The following MTOR variants were observed in gnomAD, a reference collection of about 807,000 sequenced individuals.
The protein encoded by MTOR is serine/threonine-protein kinase mTOR.
MTOR carries 70 observed loss-of-function variants against 319.8 expected under a neutral mutation model. The observed-to-expected ratio is 0.22, with a 90% CI of 0.18 to 0.27. The LOEUF (loss-of-function observed/expected upper bound fraction) is 0.27, where lower values mean the gene tolerates loss of function less well. Ranked by LOEUF, MTOR falls within the 10% of genes least tolerant of loss-of-function variation. The probability of loss-of-function intolerance (pLI) is 1.00; values close to 1 mark genes in which losing one functional copy is unlikely to be tolerated. For synonymous variants in MTOR, 1,183 were observed against 1,211.4 expected (o/e 0.98, Z 0.49); for missense variants, 1,890 against 3,274.4 (o/e 0.58, Z 10.32).
intron 36 of MTOR, among the ~76,000 whole-genome samples, chr1:11,136,700 G>A (rs529802128): frequency 6.6e-6 from 1 of 151,690 alleles, no homozygotes; most frequent in East Asian, 1.9e-4. Context: ...ATGAGGTCTT[G>A]CTATGTTGCC....
At chr1:11,118,015 G>A (rs1642265855) in intron 49 of MTOR, among the ~76,000 whole-genome samples, 2 of 151,760 alleles carry the variant, frequency 1.3e-5, no homozygotes, top group African/African-American at 2.4e-5. Context: ...GGAGGCAGAG[G>A]TTGAAGTGAG....
In MTOR at chr1:11,213,420, T is replaced by C. The variant is rs767523477; in HGVS notation, c.3264A>G (p.Pro1088=). ...MLRVFMHDNS[P]GRIVSIKLLA... is the part of the protein sequence containing the mutation. ...TCACCTTGATAGAGACAATGCGGCC[T>C]GGGCTGTTGTCATGCATGAAGACAC... Residue 1088 remains proline (P), a synonymous_variant, in exon 21 of 58, where the codon CCA becomes CCG. Coordinates refer to ENST00000361445, the MANE Select transcript of MTOR (RefSeq NM_004958.4). 3 of 1,612,730 alleles carry C rather than the reference T, an allele frequency of 1.9e-6. No individual in the cohort carries two copies. Among genetic ancestry groups the C allele is most frequent in the South Asian group, 1.1e-5 (1 of 90,968 alleles).
At chr1:11,182,981 A>G (rs983920073) in intron 28 of MTOR, among the ~76,000 whole-genome samples, 3 of 152,220 alleles carry the variant, frequency 2.0e-5, no homozygotes, top group African/African-American at 7.2e-5. Flanking sequence ...GAAAATATCT[A>G]TAGCAGAATT....
At chr1:11,204,500 C>A in intron 26 of MTOR, 61 bp downstream of exon 26, 6 of 1,498,408 alleles carry the variant, frequency 4.0e-6, no homozygotes, top group South Asian at 2.8e-5. Flanking sequence ...CTAATAAAAA[C>A]TAATTTGTAT....
At chr1:11,213,845 C>G (rs1189339548) in intron 20 of MTOR, among the ~76,000 whole-genome samples, 1 of 152,238 alleles carries the variant, frequency 6.6e-6, no homozygotes, top group Non-Finnish European at 1.5e-5. Context: ...TCTTGCTCAG[C>G]TAAGCCCTGT....
Position 11,248,030 on chromosome 1 carries a change from T to A in MTOR, c.905A>T (p.Asp302Val), listed in dbSNP as rs761323069. The A allele has an allele frequency of 2.2e-5, 36 of 1,614,008 alleles. No homozygotes were observed. The highest frequency in any genetic ancestry group is 2.2e-4 in the Admixed American group (13 of 59,998). Residue 302 changes from aspartate to valine, a missense_variant, in exon 7 of 58, where the codon GAT (aspartate) becomes GTT (valine). Asp to Val is a radical substitution (Grantham distance 152). Transcript: ENST00000361445. ...QQLVHDKYCKDLMGFGTKPRH... is the reference protein window; with the variant it reads ...QQLVHDKYCKVLMGFGTKPRH... ...AGGTTTTGTTCCGAAGCCCATGAGA[T>A]CTTTGCAGTACTTGTCGTGTACCAG...
At chr1:11,111,298 G>A (rs1641855183) in intron 54 of MTOR, among the ~76,000 whole-genome samples, 1 of 151,978 alleles carries the variant, frequency 6.6e-6, no homozygotes, top group African/African-American at 2.4e-5. Flanking sequence ...GGCCAACGTG[G>A]TGAAACCCTA....
At chr1:11,110,776 C>A (rs1356677228) in intron 54 of MTOR, among the ~76,000 whole-genome samples, 1 of 152,148 alleles carries the variant, frequency 6.6e-6, no homozygotes, top group African/African-American at 2.4e-5. Context: ...AGGCTAGTCT[C>A]AAACTCCTGG....
chr1:11,192,404 T>A, intron 28 of MTOR: 1 of 1,519,484 alleles, frequency 6.6e-7, no homozygotes, highest in Non-Finnish European at 9.1e-7. Context: ...CATGCCCTAA[T>A]ACCTGTCCTT....
In MTOR at chr1:11,228,818, T is replaced by C; in HGVS notation, c.2880A>G (p.Arg960=). The part of the protein sequence containing the change: ...VSMVALMRIF[R]DQSLSHHHTM... ...TGTGATGATGAGAGAGTGACTGGTCTCGGAAGATCCGCATCAGGGCCACCA... is the reference window on the plus strand; with the variant it reads ...TGTGATGATGAGAGAGTGACTGGTCCCGGAAGATCCGCATCAGGGCCACCA... Residue 960 remains arginine, a synonymous_variant, in exon 19 of 58, where the codon CGA becomes CGG. Coordinates refer to ENST00000361445, the MANE Select transcript of MTOR (RefSeq NM_004958.4). 6.2e-7 allele frequency: 1 copy of C among 1,614,134 alleles called. No individual in the cohort carries two copies. The highest frequency in any genetic ancestry group is 8.5e-7 in the Non-Finnish European group (1 of 1,180,010).
rs1389236912 is a variant in MTOR, at chr1:11,167,481, G to C, written c.4290C>G (p.Ala1430=). 1.9e-6 allele frequency: 3 copies of C among 1,613,452 alleles called. No individual in the cohort carries two copies. Among genetic ancestry groups the C allele is most frequent in the Non-Finnish European group, 2.5e-6 (3 of 1,179,916 alleles). The part of the protein sequence containing the change: ...NNKLQQPEAA[A]GVLEYAMKHF... ...GTTTCATGGCATATTCTAACACTCCGGCCGCTGCCTCCGGCTGCTGTAGCT... is the reference window on the plus strand; with the variant it reads ...GTTTCATGGCATATTCTAACACTCCCGCCGCTGCCTCCGGCTGCTGTAGCT... The change falls in exon 29 of 58, where the codon GCC becomes GCG. Residue 1430 remains alanine (A), a synonymous_variant. Transcript: ENST00000361445.
intron 19 of MTOR, among the ~76,000 whole-genome samples, chr1:11,227,200 A>T (rs1646868836): frequency 6.7e-6 from 1 of 149,046 alleles, no homozygotes; most frequent in Non-Finnish European, 1.5e-5. Flanking sequence ...CAAGAGGCTG[A>T]GGCAGGAGAA....
intron 28 of MTOR, among the ~76,000 whole-genome samples, chr1:11,182,217 TAAA>T (rs75328428): frequency 1.5e-5 from 2 of 137,564 alleles, no homozygotes; most frequent in Admixed American, 7.2e-5. Flanking sequence ...AACTCCATCT[TAAA>T]AAAAAAAAAA....
At chr1:11,130,201 A>G (rs1570947237) in intron 39 of MTOR, among the ~76,000 whole-genome samples, 1 of 151,810 alleles carries the variant, frequency 6.6e-6, no homozygotes, top group African/African-American at 2.4e-5. Context: ...CAGAGGATGG[A>G]CCTCCCAAGC....
At chr1:11,173,836 G>C (rs1034020173) in intron 28 of MTOR, among the ~76,000 whole-genome samples, 2 of 152,188 alleles carry the variant, frequency 1.3e-5, no homozygotes, top group African/African-American at 4.8e-5. Flanking sequence ...GTGATCAAGA[G>C]AGTCTGTTAT....
chr1:11,146,137 T>C (rs781270979), intron 32 of MTOR, among the ~76,000 whole-genome samples: 2 of 152,218 alleles, frequency 1.3e-5, no homozygotes, highest in Non-Finnish European at 2.9e-5. Context: ...AGGTTAATTA[T>C]AGTGTCCCAA....
At chr1:11,232,845 A>G in intron 15 of MTOR, 1 of 518,202 alleles carries the variant, frequency 1.9e-6, no homozygotes, top group Non-Finnish European at 3.4e-6. Flanking sequence ...ACTGCACTCC[A>G]GCCTGGACAA....
intron 20 of MTOR, among the ~76,000 whole-genome samples, chr1:11,215,158 A>G (rs986042683): frequency 2.0e-5 from 3 of 152,088 alleles, no homozygotes; most frequent in Non-Finnish European, 4.4e-5. Context: ...GTCATATTGT[A>G]TCCTTGTTTA....
At chr1:11,228,129 C>T (rs903801685) in intron 19 of MTOR, among the ~76,000 whole-genome samples, 4 of 151,840 alleles carry the variant, frequency 2.6e-5, no homozygotes, top group African/African-American at 4.8e-5. Context: ...CATCTACAAC[C>T]GGACTGAACT....
Sources: allele counts gnomAD v4.1 joint callset (sites outside exome capture counted in the v4.1 genomes callset), GRCh38; gene constraint gnomAD v4.1.1; transcripts MANE v1.5; gene names NCBI Gene and HGNC (gene_info 2026-07-23, HGNC 2026-07-21).